The following PREPL variants were observed in gnomAD, a reference collection of about 807,000 sequenced individuals.
The protein encoded by PREPL is prolyl endopeptidase-like.
A neutral mutation model predicts 70.6 loss-of-function variants in PREPL; 77 were observed. The ratio of observed to expected loss-of-function variants is 1.09; its 90% CI spans 0.91 to 1.32. The LOEUF (loss-of-function observed/expected upper bound fraction) is 1.32, where lower values mean the gene tolerates loss of function less well. PREPL is among the 40% of genes most tolerant of loss of function. The pLI, the probability that PREPL is intolerant of heterozygous loss-of-function variation, is 0.00. For missense variants in PREPL, 1,002 were observed against 778.2 expected, an observed-to-expected ratio of 1.29 and a Z score of -3.42; for synonymous variants, 315 against 264.8, an observed-to-expected ratio of 1.19 and a Z score of -1.84.
intron 2 of PREPL, among the ~76,000 whole-genome samples, chr2:44,345,925 T>C (rs1394640574): frequency 6.6e-6 from 1 of 152,066 alleles, no homozygotes; most frequent in East Asian, 1.9e-4. Flanking sequence ...GAGGGTTGCT[T>C]GAGCCCAGGA....
At chr2:44,356,890 G>A (rs1042359017) in intron 1 of PREPL, among the ~76,000 whole-genome samples, 1 of 123,408 alleles carries the variant, frequency 8.1e-6, no homozygotes, top group Non-Finnish European at 1.6e-5. Context: ...CTGCAGCCTC[G>A]ACCTCCCAGG....
At chr2:44,332,140 G>A (rs964138077) in intron 8 of PREPL, among the ~76,000 whole-genome samples, 2 of 151,850 alleles carry the variant, frequency 1.3e-5, no homozygotes, top group African/African-American at 4.8e-5. Context: ...TAGAGATGGG[G>A]TTTCACCGTG....
In PREPL at chr2:44,317,775, A is replaced by C. The variant is rs17607721; in HGVS notation, c.*3581T>G. The C allele has an allele frequency of 0.049, 7,429 of 153,064 alleles. 217 individuals are homozygous for C. Among genetic ancestry groups the C allele is most frequent in the East Asian group, 0.11 (570 of 5,194 alleles). The allele number at this position is 153,064 out of a possible 1,614,324, so 9.5% of individuals were successfully genotyped here. On this transcript the variant is annotated 3_prime_UTR_variant, in exon 14 of 14. Coordinates refer to ENST00000409411, the MANE Select transcript of PREPL (RefSeq NM_001171613.2). Reference sequence around the variant, plus strand: ...CCAACAAAAAGCTTAATAGAAAAAAACCCTAAACAATAGTATAACTACAAA... The same window carrying C: ...CCAACAAAAAGCTTAATAGAAAAAACCCCTAAACAATAGTATAACTACAAA...
chr2:44,326,639 A>G, intron 10 of PREPL, 73 bp downstream of exon 10: 1 of 1,493,888 alleles, frequency 6.7e-7, no homozygotes, highest in Non-Finnish European at 9.3e-7. Context: ...CAGCCCAAAA[A>G]CATTTTTCTT....
intron 7 of PREPL, among the ~76,000 whole-genome samples, chr2:44,337,519 T>C (rs866909923): frequency 1.3e-5 from 2 of 152,182 alleles, no homozygotes; most frequent in Admixed American, 6.5e-5. Flanking sequence ...TGACTGAAAT[T>C]GCATTTTTAC....
intron 10 of PREPL, among the ~76,000 whole-genome samples, chr2:44,323,803 C>T (rs906617475): frequency 6.6e-5 from 10 of 152,166 alleles, no homozygotes; most frequent in East Asian, 3.9e-4. Context: ...GTGGAGAAAC[C>T]GGAATCCTGA....
intron 1 of PREPL, among the ~76,000 whole-genome samples, chr2:44,347,513 T>C (rs1331237240): frequency 2.0e-5 from 3 of 152,126 alleles, no homozygotes; most frequent in African/African-American, 7.2e-5. Flanking sequence ...TTATCAAGAG[T>C]GACTAATAAG....
chr2:44,359,572 T>A lies in PREPL; in HGVS notation c.-49+1808A>T, dbSNP rs145087654. 1.9e-5 allele frequency: 30 copies of A among 1,613,160 alleles called. No homozygotes were observed. In the African/African-American group the frequency reaches 4.0e-4, roughly 22 times the overall value. ...TGGGTTTATTCTGAAGACACTTGGT[T>A]AGGTGATATTTTTTCAATTTTATTC... is the stretch of plus-strand genomic sequence containing the variant. On this transcript the variant is annotated intron_variant, in intron 1 of 13. Transcript: ENST00000409411.
chr2:44,353,524 G>C (rs890012015), intron 1 of PREPL, among the ~76,000 whole-genome samples: 1 of 151,876 alleles, frequency 6.6e-6, no homozygotes, highest in African/African-American at 2.4e-5. Flanking sequence ...GGAGGCAGAG[G>C]TTGCAGTGAG....
chr2:44,323,223 G>A, intron 11 of PREPL, 39 bp downstream of exon 11: 3 of 1,510,350 alleles, frequency 2.0e-6, no homozygotes, highest in Middle Eastern at 1.8e-4. Context: ...TATCTTCTGT[G>A]TAAATTCAGG....
chr2:44,331,519 T>C (rs1389047921), intron 8 of PREPL, among the ~76,000 whole-genome samples: 1 of 152,160 alleles, frequency 6.6e-6, no homozygotes, highest in East Asian at 1.9e-4. Flanking sequence ...CCTACACTTC[T>C]TGAATTGTAT....
chr2:44,319,956 A>T lies in PREPL; in HGVS notation c.*1400T>A, dbSNP rs185614090. ...AATTTGATCTCTACAGAAACTCTAC[A>T]ATGTAGCAGAGCACTGTGCGTACTT... On this transcript the variant is annotated 3_prime_UTR_variant, in exon 14 of 14. Transcript: ENST00000409411. The T allele has an allele frequency of 1.8e-5, 9 of 489,042 alleles. No homozygotes were observed. The highest frequency in any genetic ancestry group is 2.6e-5 in the Non-Finnish European group (7 of 272,234). 30.3% of individuals were successfully genotyped at this position (489,042 alleles called of 1,614,324 possible). A position where few individuals can be genotyped will look rare whatever the true frequency, so the allele number is the denominator to read the frequency against.
At chr2:44,352,204 T>C (rs1296347946) in intron 1 of PREPL, among the ~76,000 whole-genome samples, 2 of 152,202 alleles carry the variant, frequency 1.3e-5, no homozygotes, top group African/African-American at 4.8e-5. Flanking sequence ...GTCTTTTTTT[T>C]CTTTTCTTCT....
At chr2:44,324,267 C>A (rs1673272418) in intron 10 of PREPL, among the ~76,000 whole-genome samples, 1 of 152,096 alleles carries the variant, frequency 6.6e-6, no homozygotes, top group African/African-American at 2.4e-5. Flanking sequence ...AAATGGAGAG[C>A]TGTTTAATCG....
intron 1 of PREPL, chr2:44,347,407 T>C (rs1053546616): frequency 6.6e-6 from 1 of 152,110 alleles, no homozygotes; most frequent in Admixed American, 6.6e-5. Context: ...AAAAATAACA[T>C]GTTCACTTTA....
In PREPL at chr2:44,359,534, A is replaced by G. The variant is rs764758321; in HGVS notation, c.-49+1846T>C. The G allele has an allele frequency of 6.2e-7, 1 of 1,613,306 alleles. No homozygotes were observed. The highest frequency in any genetic ancestry group is 1.3e-5 in the African/African-American group (1 of 75,002). On this transcript the variant is annotated intron_variant, in intron 1 of 13. Transcript: ENST00000409411. ...GCTCCGACTTGGGATGTTTCTTGCTAACTCTGATATCTTGGGTTTATTCTG... is the reference window on the plus strand; with the variant it reads ...GCTCCGACTTGGGATGTTTCTTGCTGACTCTGATATCTTGGGTTTATTCTG...
chr2:44,345,294 G>A (rs116163665), intron 2 of PREPL, among the ~76,000 whole-genome samples: 122 of 152,074 alleles, frequency 8.0e-4, no homozygotes, highest in African/African-American at 2.8e-3. Context: ...ACTCTACTAT[G>A]TATGTGATTT....
chr2:44,346,240 T>A, intron 2 of PREPL, 28 bp downstream of exon 2: 1 of 1,585,964 alleles, frequency 6.3e-7, no homozygotes. Flanking sequence ...TATCAAAAAT[T>A]TTTTTTTAAA....
chr2:44,320,896 C>A lies in PREPL; in HGVS notation c.*460G>T. 1 of 469,772 alleles carries A rather than the reference C, an allele frequency of 2.1e-6. No homozygotes were observed. The highest frequency in any genetic ancestry group is 3.8e-6 in the Non-Finnish European group (1 of 262,636). The allele number at this position is 469,772 out of a possible 1,614,324, so 29.1% of individuals were successfully genotyped here. A position where few individuals can be genotyped will look rare whatever the true frequency, so the allele number is the denominator to read the frequency against. On this transcript the variant is annotated 3_prime_UTR_variant, in exon 14 of 14. Transcript: ENST00000409411. The stretch of plus-strand genomic sequence containing the variant: ...GGGATGACCAGAACACATTAGGACC[C>A]CAGATTATTCAAAAACTTTAACGAA...
Sources: allele counts gnomAD v4.1 joint callset (sites outside exome capture counted in the v4.1 genomes callset), GRCh38; gene constraint gnomAD v4.1.1; transcripts MANE v1.5; gene names NCBI Gene and HGNC (gene_info 2026-07-23, HGNC 2026-07-21).